The following AHCYL2 variants were observed in gnomAD, a reference collection of about 807,000 sequenced individuals.
AHCYL2 encodes S-adenosylhomocysteine hydrolase-like protein 2.
AHCYL2 carries 28 observed loss-of-function variants against 81.4 expected under a neutral mutation model. The observed-to-expected ratio is 0.34, with a 90% CI of 0.25 to 0.47. The LOEUF is 0.47. AHCYL2 is among the 20% of genes least tolerant of loss of function. The pLI is 1.00. For synonymous variants in AHCYL2, 272 were observed against 290.2 expected (o/e 0.94, Z 0.64); for missense variants, 551 against 785.1 (o/e 0.70, Z 3.56).
chr7:129,343,222 T>G (rs1793246454), intron 1 of AHCYL2, among the ~76,000 whole-genome samples: 1 of 152,212 alleles, frequency 6.6e-6, no homozygotes, highest in Non-Finnish European at 1.5e-5. Flanking sequence ...GAGTAGTGTT[T>G]ATTAAAAGCT....
chr7:129,389,403 G>A (rs895707625), intron 3 of AHCYL2, among the ~76,000 whole-genome samples: 9 of 124,982 alleles, frequency 7.2e-5, no homozygotes, highest in Admixed American at 7.8e-5. Context: ...AAAAAAAAAA[G>A]GGAGAGAGAC....
chr7:129,362,455 G>T (rs972786954), intron 1 of AHCYL2, among the ~76,000 whole-genome samples: 3 of 152,066 alleles, frequency 2.0e-5, no homozygotes, highest in Non-Finnish European at 4.4e-5. Context: ...TGAGTTTGAA[G>T]GAGTAAAGGA....
At chr7:129,348,523 A>G (rs1793441947) in intron 1 of AHCYL2, among the ~76,000 whole-genome samples, 1 of 152,096 alleles carries the variant, frequency 6.6e-6, no homozygotes, top group South Asian at 2.1e-4. Context: ...TTCACCATAT[A>G]CTCTTTATAT....
Position 129,406,365 on chromosome 7 carries a change from C to T in AHCYL2, c.1207-13C>T, listed in dbSNP as rs752061829. 1.1e-5 allele frequency: 17 copies of T among 1,607,280 alleles called. No homozygotes were observed. The Admixed American group carries it at 1.5e-4, about 14-fold the overall frequency. Reference sequence around the variant, plus strand: ...TGACTTTCCTTAATATGTGTGCTCTCTCCCCTCTTCAGGTGGGGAAAGGGT... The same window carrying T: ...TGACTTTCCTTAATATGTGTGCTCTTTCCCCTCTTCAGGTGGGGAAAGGGT... On this transcript the variant is annotated splice_polypyrimidine_tract_variant and intron_variant, in intron 9 of 16. Coordinates refer to ENST00000325006, the MANE Select transcript of AHCYL2 (RefSeq NM_015328.4). The surrounding 1 kb of genome is among the most constrained non-coding windows in gnomAD (Gnocchi z 4.3).
chr7:129,340,294 G>A (rs1212761580), intron 1 of AHCYL2, among the ~76,000 whole-genome samples: 1 of 149,730 alleles, frequency 6.7e-6, no homozygotes, highest in South Asian at 2.1e-4. Flanking sequence ...CAGGCCGGGC[G>A]CGGTGGCTCA....
chr7:129,366,211 G>C (rs940641036), intron 1 of AHCYL2, among the ~76,000 whole-genome samples: 1 of 151,872 alleles, frequency 6.6e-6, no homozygotes, highest in African/African-American at 2.4e-5. Flanking sequence ...TTCTTATTTC[G>C]CCTGCTCTCC....
At position 129,427,246 on chromosome 7, in the gene AHCYL2, G is replaced by A; in HGVS notation, c.*201G>A. Reference sequence around the variant, plus strand: ...CCCAGAGTGTGGTTACTGCCCTGAGGGCCATGAAAGCCACAGAGGATGGGC... The same window carrying A: ...CCCAGAGTGTGGTTACTGCCCTGAGAGCCATGAAAGCCACAGAGGATGGGC... On this transcript the variant is annotated 3_prime_UTR_variant, in exon 17 of 17. Coordinates refer to ENST00000325006, the MANE Select transcript of AHCYL2 (RefSeq NM_015328.4). This position sits in a 1 kb window ranked among gnomAD's most constrained non-coding sequence, Gnocchi z 5.5. 1.9e-6 allele frequency: 1 copy of A among 535,754 alleles called. No individual in the cohort carries two copies. The highest frequency in any genetic ancestry group is 2.0e-5 in the African/African-American group (1 of 50,996). The allele number at this position is 535,754 out of a possible 1,614,324, so 33.2% of individuals were successfully genotyped here. A position where few individuals can be genotyped will look rare whatever the true frequency, so the allele number is the denominator to read the frequency against.
chr7:129,369,803 C>T (rs529960042), intron 1 of AHCYL2, among the ~76,000 whole-genome samples: 39 of 152,234 alleles, frequency 2.6e-4, no homozygotes, highest in South Asian at 2.5e-3. Flanking sequence ...CCACCCAACT[C>T]GGCCTCCCAC....
intron 2 of AHCYL2, among the ~76,000 whole-genome samples, chr7:129,381,361 G>A (rs1310341652): frequency 6.6e-6 from 1 of 152,136 alleles, no homozygotes. Flanking sequence ...CTGGAAGAGA[G>A]TAATTAATGC....
chr7:129,392,320 A>G (rs1367365425), intron 4 of AHCYL2, among the ~76,000 whole-genome samples: 4 of 152,212 alleles, frequency 2.6e-5, no homozygotes, highest in Non-Finnish European at 5.9e-5. Flanking sequence ...TTTATTGTTC[A>G]CAGTTCTGGA....
chr7:129,429,141 T>A lies in AHCYL2; in HGVS notation c.*2096T>A, dbSNP rs542152499. On this transcript the variant is annotated 3_prime_UTR_variant, in exon 17 of 17. Transcript: ENST00000325006. ...AAGAGTACATTCTGCCTTGCTGTAG[T>A]GAAGAGACCCACTCCAAATAAAAAA... 81 of 152,308 alleles carry A rather than the reference T, an allele frequency of 5.3e-4. No individual in the cohort carries two copies. Among genetic ancestry groups the A allele is most frequent in the African/African-American group, 1.8e-3 (74 of 41,562 alleles). 9.4% of individuals were successfully genotyped at this position (152,308 alleles called of 1,614,324 possible). A position where few individuals can be genotyped will look rare whatever the true frequency, so the allele number is the denominator to read the frequency against.
At chr7:129,227,259 C>A (rs893462074) in intron 1 of AHCYL2, among the ~76,000 whole-genome samples, 21 of 151,742 alleles carry the variant, frequency 1.4e-4, no homozygotes, top group African/African-American at 5.1e-4. Context: ...TTATTTTATT[C>A]CTCCCATCAT....
intron 1 of AHCYL2, among the ~76,000 whole-genome samples, chr7:129,225,724 A>ACGT (rs1014478351): frequency 6.6e-6 from 1 of 152,124 alleles, no homozygotes; most frequent in Non-Finnish European, 1.5e-5. Flanking sequence ...ACCTAATAGT[A>ACGT]CGTCCCGCGG....
At chr7:129,252,830 A>T (rs191734062) in intron 1 of AHCYL2, among the ~76,000 whole-genome samples, 9 of 150,102 alleles carry the variant, frequency 6.0e-5, no homozygotes, top group Admixed American at 4.0e-4. Context: ...ATTGATTGAT[A>T]GATAAATAGA....
intron 1 of AHCYL2, among the ~76,000 whole-genome samples, chr7:129,332,895 A>G (rs572420293): frequency 3.3e-5 from 5 of 152,272 alleles, no homozygotes; most frequent in South Asian, 2.1e-4. Flanking sequence ...TTCTATTTAC[A>G]TTTCTGGTCC....
intron 4 of AHCYL2, 39 bp from the exon 5 acceptor site, chr7:129,397,183 G>A: frequency 1.3e-6 from 2 of 1,542,532 alleles, no homozygotes; most frequent in Non-Finnish European, 1.8e-6. Flanking sequence ...TAGTTGTTTG[G>A]CCCAGGCTTG....
intron 5 of AHCYL2, 46 bp from the exon 6 acceptor site, chr7:129,400,243 GC>G: frequency 6.4e-7 from 1 of 1,556,410 alleles, no homozygotes; most frequent in Admixed American, 1.7e-5. Context: ...TAGGGGGTCA[GC>G]CTTTTTTGGT....
intron 1 of AHCYL2, among the ~76,000 whole-genome samples, chr7:129,311,379 G>A (rs1203785241): frequency 6.6e-6 from 1 of 152,130 alleles, no homozygotes; most frequent in Non-Finnish European, 1.5e-5. Context: ...CATGGTGATC[G>A]TACCTATTCC....
intron 1 of AHCYL2, among the ~76,000 whole-genome samples, chr7:129,294,422 A>G (rs912462719): frequency 6.6e-6 from 1 of 151,642 alleles, no homozygotes; most frequent in Non-Finnish European, 1.5e-5. Flanking sequence ...AGAGAAGGAA[A>G]TTAACACTTA....
Sources: allele counts gnomAD v4.1 joint callset (sites outside exome capture counted in the v4.1 genomes callset), GRCh38; gene constraint gnomAD v4.1.1; non-coding constraint Gnocchi (gnomAD v3.1); transcripts MANE v1.5; gene names NCBI Gene and HGNC (gene_info 2026-07-23, HGNC 2026-07-21).